Variants in MBNL2 observed in about 807,000 individuals in gnomAD.
The protein encoded by MBNL2 is muscleblind like splicing regulator 2, also known as muscleblind-like protein 2.
MBNL2 carries 17 observed loss-of-function variants against 41.9 expected under a neutral mutation model. The ratio of observed to expected loss-of-function variants is 0.41; its 90% CI spans 0.28 to 0.61. The LOEUF (loss-of-function observed/expected upper bound fraction) is 0.61. Ranked by LOEUF, MBNL2 falls within the 20% of genes least tolerant of loss-of-function variation. MBNL2 has a pLI of 0.35. For synonymous variants in MBNL2, 195 were observed against 182.9 expected (o/e 1.07, Z -0.53); for missense variants, 336 against 505.6 (o/e 0.66, Z 3.22).
chr13:97,157,863 G>A, the MBNL2 span, among the ~76,000 whole-genome samples: 1 of 151,440 alleles, frequency 6.6e-6, no homozygotes, highest in Non-Finnish European at 1.5e-5. Context: ...TCTCTTTTTT[G>A]GTTGTGTCTC....
the MBNL2 span, among the ~76,000 whole-genome samples, chr13:97,185,760 T>C: frequency 2.0e-5 from 3 of 152,238 alleles, no homozygotes; most frequent in African/African-American, 7.2e-5. Context: ...CCTCCAGAAC[T>C]ATAAGCTGTA....
intron 8 of MBNL2, among the ~76,000 whole-genome samples, chr13:97,382,653 A>G (rs749582419): frequency 6.6e-6 from 1 of 150,674 alleles, no homozygotes; most frequent in African/African-American, 2.4e-5. Flanking sequence ...TCTTGATGCC[A>G]TGGTTTCATC....
At chr13:97,337,669 C>T (rs554135895) in intron 3 of MBNL2, among the ~76,000 whole-genome samples, 5 of 152,266 alleles carry the variant, frequency 3.3e-5, no homozygotes, top group Non-Finnish European at 7.4e-5. Context: ...GAACTTGACC[C>T]GTTCAAAATC....
chr13:97,308,844 G>A (rs2058342270), intron 2 of MBNL2, among the ~76,000 whole-genome samples: 1 of 152,194 alleles, frequency 6.6e-6, no homozygotes, highest in Non-Finnish European at 1.5e-5. Context: ...CTAGCATCAG[G>A]GAACACACAA....
intron 1 of MBNL2, among the ~76,000 whole-genome samples, chr13:97,246,764 G>A (rs557020059): frequency 1.0e-3 from 152 of 152,300 alleles, no homozygotes; most frequent in African/African-American, 3.5e-3. Context: ...CACGCTACAA[G>A]ACAGGCTCCT....
chr13:97,341,520 GA>G (rs936615794), intron 3 of MBNL2, among the ~76,000 whole-genome samples: 4 of 152,100 alleles, frequency 2.6e-5, no homozygotes, highest in Non-Finnish European at 5.9e-5. Flanking sequence ...AGTAGAGGAA[GA>G]AAAAAATTCT....
intron 2 of MBNL2, among the ~76,000 whole-genome samples, chr13:97,291,900 C>CAGAAAA (rs1555310799): frequency 2.6e-5 from 1 of 37,828 alleles, no homozygotes; most frequent in African/African-American, 2.3e-4. Flanking sequence ...GTCTCCGTCT[C>CAGAAAA]AAAAAAAAAA....
intron 5 of MBNL2, among the ~76,000 whole-genome samples, chr13:97,348,588 T>C (rs76566131): frequency 3.9e-5 from 6 of 152,300 alleles, no homozygotes; most frequent in African/African-American, 1.2e-4. Context: ...ATCAGTCAGG[T>C]TTCCTTGCCC....
chr13:97,194,413 A>G, the MBNL2 span, among the ~76,000 whole-genome samples: 2 of 152,248 alleles, frequency 1.3e-5, no homozygotes. Flanking sequence ...ACATAGCACA[A>G]GTCAAACCCT....
In MBNL2 at chr13:97,334,610, G is replaced by A. The variant is rs1156230330; in HGVS notation, c.339+170G>A. On this transcript the variant is annotated intron_variant, in intron 3 of 8. Transcript: ENST00000679496. The surrounding 1 kb of genome is among the most constrained non-coding windows in gnomAD (Gnocchi z 5.3). ...AAATAGGCTTTTAAAAAAATTAATA[G>A]AAAAATATTTGTGGAAATAGGAGGC... is the stretch of plus-strand genomic sequence containing the variant. Among the ~76,000 whole-genome samples the A allele has an allele frequency of 6.6e-6, 1 of 152,064 alleles. No homozygotes were observed. Among genetic ancestry groups the A allele is most frequent in the South Asian group, 2.1e-4 (1 of 4,818 alleles).
At chr13:97,376,957 C>T (rs946474370) in intron 8 of MBNL2, among the ~76,000 whole-genome samples, 1 of 152,170 alleles carries the variant, frequency 6.6e-6, no homozygotes, top group African/African-American at 2.4e-5. Context: ...CTGCCTAGAA[C>T]AATATTATTT....
At chr13:97,262,810 C>A (rs2048897153) in intron 1 of MBNL2, among the ~76,000 whole-genome samples, 1 of 152,042 alleles carries the variant, frequency 6.6e-6, no homozygotes, top group Non-Finnish European at 1.5e-5. Context: ...TGTCCCCAGA[C>A]TGGAGTGCAG....
intron 1 of MBNL2, among the ~76,000 whole-genome samples, chr13:97,234,542 A>G (rs1200133386): frequency 2.0e-5 from 3 of 152,288 alleles, no homozygotes; most frequent in Non-Finnish European, 4.4e-5. Context: ...GTGGCGGGAC[A>G]GATGATCTTC....
intron 1 of MBNL2, among the ~76,000 whole-genome samples, chr13:97,264,750 C>T (rs1482658151): frequency 6.6e-6 from 1 of 152,166 alleles, no homozygotes; most frequent in Non-Finnish European, 1.5e-5. Flanking sequence ...TTAGGCTGGT[C>T]ACTGGAGAGA....
At chr13:97,293,530 A>G (rs900129393) in intron 2 of MBNL2, among the ~76,000 whole-genome samples, 2 of 152,200 alleles carry the variant, frequency 1.3e-5, no homozygotes, top group African/African-American at 4.8e-5. Context: ...CAGCGTGCAG[A>G]TATTTATCCA....
chr13:97,147,626 A>G, the MBNL2 span, among the ~76,000 whole-genome samples: 1 of 152,242 alleles, frequency 6.6e-6, no homozygotes, highest in Admixed American at 6.5e-5. Flanking sequence ...GAGCCAATGA[A>G]AATGACAGCT....
At chr13:97,371,209 A>G (rs1181381040) in intron 8 of MBNL2, among the ~76,000 whole-genome samples, 1 of 152,220 alleles carries the variant, frequency 6.6e-6, no homozygotes, top group Admixed American at 6.5e-5. Context: ...TTTCAAATAA[A>G]TATACTTTAA....
At chr13:97,150,733 C>T in the MBNL2 span, among the ~76,000 whole-genome samples, 1 of 152,174 alleles carries the variant, frequency 6.6e-6, no homozygotes, top group African/African-American at 2.4e-5. Flanking sequence ...TCTCAAACTC[C>T]TGGCCTCAAG....
chr13:97,161,033 A>G, the MBNL2 span, among the ~76,000 whole-genome samples: 2 of 152,120 alleles, frequency 1.3e-5, no homozygotes, highest in African/African-American at 2.4e-5. Flanking sequence ...TCACCTGGAA[A>G]CTTTTAGAAA....
Sources: gnomAD v4.1 joint callset for allele counts (sites outside exome capture counted in the v4.1 genomes callset) on GRCh38, gnomAD v4.1.1 for gene constraint, Gnocchi (gnomAD v3.1) non-coding constraint, MANE v1.5 for transcripts, NCBI Gene and HGNC (gene_info 2026-07-23, HGNC 2026-07-21) for gene names.